The following KCNIP4 variants were observed in gnomAD, a reference collection of about 807,000 sequenced individuals.
KCNIP4 encodes the protein Kv channel-interacting protein 4.
Under a neutral mutation model 34.0 loss-of-function variants are expected in KCNIP4, and 12 were observed. That is an observed-to-expected ratio of 0.35 (90% CI 0.23 to 0.57). The LOEUF (loss-of-function observed/expected upper bound fraction) is 0.57. Among genes scored for constraint, KCNIP4 ranks in the 20% least tolerant of loss-of-function variants. KCNIP4 has a pLI of 0.83. For synonymous variants in KCNIP4, 124 were observed against 102.2 expected (o/e 1.21, Z -1.29); for missense variants, 238 against 311.7 (o/e 0.76, Z 1.78).
At position 21,585,899 on chromosome 4, in the gene KCNIP4, A is replaced by G. The variant is rs529402197; in HGVS notation, c.61+362672T>C. ...CTACAATGGATCATGATTATAATTA[A>G]GTTGAACAACTACCAAAGAATACTC... On this transcript the variant is annotated intron_variant, in intron 1 of 8. Coordinates refer to ENST00000382152, the MANE Select transcript of KCNIP4 (RefSeq NM_025221.6). Among the ~76,000 whole-genome samples, 3 of 152,234 alleles carry G rather than the reference A, an allele frequency of 2.0e-5. No homozygotes were observed. In the East Asian group the frequency reaches 5.8e-4, roughly 29 times the overall value.
rs577437558 is a variant in KCNIP4, at chr4:21,469,583, A to C, written c.61+478988T>G. Among the ~76,000 whole-genome samples the C allele has an allele frequency of 6.6e-5, 10 of 152,336 alleles. No homozygotes were observed. The South Asian group carries it at 1.0e-3, about 16-fold the overall frequency. ...TTTGTACAAATAACTTGGGAAACAA[A>C]AATGCTTTTCCTGGTCAAGTAGGGA... is the stretch of plus-strand genomic sequence containing the variant. On this transcript the variant is annotated intron_variant, in intron 1 of 8. Coordinates refer to ENST00000382152, the MANE Select transcript of KCNIP4 (RefSeq NM_025221.6).
At chr4:21,528,726 A>G (rs1326829527) in intron 1 of KCNIP4, among the ~76,000 whole-genome samples, 4 of 1,770 alleles carry the variant, frequency 2.3e-3, no homozygotes, top group East Asian at 0.077. Flanking sequence ...AAAGAAAGAA[A>G]GAAAGAAAGA....
At chr4:21,749,981 T>C (rs1318942235) in intron 1 of KCNIP4, among the ~76,000 whole-genome samples, 2 of 152,168 alleles carry the variant, frequency 1.3e-5, no homozygotes, top group Non-Finnish European at 2.9e-5. Context: ...TTACCAGCTG[T>C]CAATGGTGGT....
rs991567011 is a variant in KCNIP4 at position 21,375,173 on chromosome 4, C to T, written c.62-492464G>A. On this transcript the variant is annotated intron_variant, in intron 1 of 8. Transcript: ENST00000382152. ...TCTAGAGGTGCATTAGTCGTAAAGG[C>T]CATGGAATGTAGCCTTTTATGTTTA... Among the ~76,000 whole-genome samples, 4 of 145,978 alleles carry T rather than the reference C, an allele frequency of 2.7e-5. 1 individual carries two copies. The highest frequency in any genetic ancestry group is 5.6e-5 in the African/African-American group (2 of 35,788).
intron 1 of KCNIP4, among the ~76,000 whole-genome samples, chr4:21,834,317 A>G (rs1192075469): frequency 6.6e-6 from 1 of 152,118 alleles, no homozygotes; most frequent in Non-Finnish European, 1.5e-5. Flanking sequence ...CATCCCTTGT[A>G]AGTTGGATTC....
intron 1 of KCNIP4, among the ~76,000 whole-genome samples, chr4:21,477,215 T>C (rs1471687769): frequency 1.3e-5 from 2 of 152,186 alleles, no homozygotes; most frequent in Non-Finnish European, 2.9e-5. Flanking sequence ...GGTTTTTTCT[T>C]TTGCAAACAA....
In KCNIP4 at chr4:21,608,532, T is replaced by C. The variant is rs190932181; in HGVS notation, c.61+340039A>G. On this transcript the variant is annotated intron_variant, in intron 1 of 8. Coordinates refer to ENST00000382152, the MANE Select transcript of KCNIP4 (RefSeq NM_025221.6). ...GAGTCCTTCTTACATCAAACTTCTCTGACTCTTCTGTGTTCCTCTTCTGTT... is the reference window on the plus strand; with the variant it reads ...GAGTCCTTCTTACATCAAACTTCTCCGACTCTTCTGTGTTCCTCTTCTGTT... Among the ~76,000 whole-genome samples the C allele has an allele frequency of 3.1e-3, 468 of 152,354 alleles. 3 individuals are homozygous for C. The highest frequency in any genetic ancestry group is 0.01 in the African/African-American group (430 of 41,590).
intron 1 of KCNIP4, among the ~76,000 whole-genome samples, chr4:21,667,441 A>C (rs929595766): frequency 2.0e-5 from 3 of 152,210 alleles, no homozygotes; most frequent in African/African-American, 7.2e-5. Flanking sequence ...AGGTCTCACA[A>C]GGTATGTGAG....
At chr4:21,229,072 C>T (rs755704093) in intron 1 of KCNIP4, among the ~76,000 whole-genome samples, 1 of 152,190 alleles carries the variant, frequency 6.6e-6, no homozygotes, top group South Asian at 2.1e-4. Context: ...GCATTATTTG[C>T]TGTTTTCCAC....
intron 1 of KCNIP4, among the ~76,000 whole-genome samples, chr4:21,692,827 ATTTTTTT>A (rs35231092): frequency 1.1e-5 from 1 of 87,250 alleles, no homozygotes; most frequent in Non-Finnish European, 2.2e-5. Context: ...AAATCCTGTC[ATTTTTTT>A]TTTTTTTTTT....
At chr4:21,327,381 C>T (rs1445610233) in intron 1 of KCNIP4, among the ~76,000 whole-genome samples, 2 of 152,114 alleles carry the variant, frequency 1.3e-5, no homozygotes, top group Non-Finnish European at 1.5e-5. Context: ...TCTCTCCTGT[C>T]TTTTAAGATT....
chr4:21,326,503 G>T (rs1287833695), intron 1 of KCNIP4, among the ~76,000 whole-genome samples: 1 of 151,060 alleles, frequency 6.6e-6, no homozygotes, highest in Non-Finnish European at 1.5e-5. Context: ...TACAGGTGAA[G>T]TGTGTATCTT....
intron 5 of KCNIP4, among the ~76,000 whole-genome samples, chr4:20,739,448 A>G (rs1750523191): frequency 6.6e-6 from 1 of 152,206 alleles, no homozygotes; most frequent in African/African-American, 2.4e-5. Flanking sequence ...TAACCAGGCA[A>G]ACAGGGTCTG....
At chr4:21,153,202 T>C (rs1188388278) in intron 1 of KCNIP4, among the ~76,000 whole-genome samples, 1 of 152,182 alleles carries the variant, frequency 6.6e-6, no homozygotes, top group African/African-American at 2.4e-5. Flanking sequence ...ATTTATTTCA[T>C]ACAATACTGC....
intron 1 of KCNIP4, among the ~76,000 whole-genome samples, chr4:21,948,213 G>A (rs532870463): frequency 6.6e-6 from 1 of 152,336 alleles, no homozygotes; most frequent in Non-Finnish European, 1.5e-5. Flanking sequence ...TAATCCCCAG[G>A]TGTTAGGGGA....
chr4:21,603,880 G>T (rs1743419113), intron 1 of KCNIP4, among the ~76,000 whole-genome samples: 1 of 152,020 alleles, frequency 6.6e-6, no homozygotes, highest in East Asian at 1.9e-4. Context: ...ATGTTTCTGA[G>T]ATGCTTAAAC....
At chr4:21,441,922 T>C (rs1164690459) in intron 1 of KCNIP4, among the ~76,000 whole-genome samples, 1 of 152,220 alleles carries the variant, frequency 6.6e-6, no homozygotes, top group Non-Finnish European at 1.5e-5. Flanking sequence ...AAATCTAATA[T>C]ACTTACATTA....
intron 1 of KCNIP4, among the ~76,000 whole-genome samples, chr4:21,344,333 A>G (rs1717072962): frequency 6.6e-6 from 1 of 152,150 alleles, no homozygotes; most frequent in African/African-American, 2.4e-5. Context: ...AGGTCAAGAG[A>G]AAAGTGGGAC....
At chr4:21,022,750 A>T (rs1240591369) in intron 1 of KCNIP4, among the ~76,000 whole-genome samples, 1 of 152,170 alleles carries the variant, frequency 6.6e-6, no homozygotes, top group Non-Finnish European at 1.5e-5. Flanking sequence ...AGAATCACAA[A>T]TTATTTGTTT....
Sources: allele counts gnomAD v4.1 joint callset (sites outside exome capture counted in the v4.1 genomes callset), GRCh38; gene constraint gnomAD v4.1.1; transcripts MANE v1.5; gene names NCBI Gene and HGNC (gene_info 2026-07-23, HGNC 2026-07-21).